The following ATXN7 variants were observed in gnomAD, a reference collection of about 807,000 sequenced individuals.
The protein encoded by ATXN7 is ataxin-7.
Under a neutral mutation model 70.5 loss-of-function variants are expected in ATXN7, and 12 were observed. The ratio of observed to expected loss-of-function variants is 0.17; its 90% CI spans 0.11 to 0.28. The LOEUF (loss-of-function observed/expected upper bound fraction) is 0.28, where lower values mean the gene tolerates loss of function less well. Among genes scored for constraint, ATXN7 ranks in the 10% least tolerant of loss-of-function variants. The probability of loss-of-function intolerance (pLI) is 1.00; values close to 1 mark genes in which losing one functional copy is unlikely to be tolerated. For synonymous variants in ATXN7, 498 were observed against 448.7 expected (o/e 1.11, Z -1.39); for missense variants, 1,256 against 1,131.7 (o/e 1.11, Z -1.58).
At chr3:63,991,673 G>T (rs1026520572) in intron 11 of ATXN7, among the ~76,000 whole-genome samples, 2 of 152,164 alleles carry the variant, frequency 1.3e-5, no homozygotes, top group Non-Finnish European at 2.9e-5. Context: ...AATTGTTTCA[G>T]TGTTGAAGGT....
chr3:63,865,723 C>G (rs1352083028), intron 1 of ATXN7, among the ~76,000 whole-genome samples: 2 of 144,462 alleles, frequency 1.4e-5, no homozygotes, highest in Non-Finnish European at 1.5e-5. Context: ...AACCCCGTCT[C>G]TACTAAAAAA....
rs919284972 is a variant in ATXN7 at position 63,988,384 on chromosome 3, A to G, written c.1361+60A>G. 1.9e-6 allele frequency: 3 copies of G among 1,595,100 alleles called. No homozygotes were observed. The African/African-American group carries it at 4.0e-5, about 22-fold the overall frequency. ...CAGAGATGAGACTTGCAGATACTGTAAAATTTCAGTATGGTCATGCTGTTG... is the reference window on the plus strand; with the variant it reads ...CAGAGATGAGACTTGCAGATACTGTGAAATTTCAGTATGGTCATGCTGTTG... On this transcript the variant is annotated intron_variant, in intron 9 of 12. Coordinates refer to ENST00000674280, the MANE Select transcript of ATXN7 (RefSeq NM_001377405.1).
intron 1 of ATXN7, among the ~76,000 whole-genome samples, chr3:63,876,203 A>G (rs1452609686): frequency 6.6e-6 from 1 of 152,186 alleles, no homozygotes; most frequent in African/African-American, 2.4e-5. Context: ...ATTGAAAAAT[A>G]AGTATTTTTC....
intron 4 of ATXN7, among the ~76,000 whole-genome samples, chr3:63,921,894 T>C (rs1379720247): frequency 6.6e-6 from 1 of 152,170 alleles, no homozygotes; most frequent in Admixed American, 6.5e-5. Flanking sequence ...TTTAATCAAG[T>C]CATCAGCCAG....
chr3:63,869,518 G>A (rs1017996831), intron 1 of ATXN7, among the ~76,000 whole-genome samples: 5 of 152,054 alleles, frequency 3.3e-5, no homozygotes, highest in African/African-American at 1.2e-4. Flanking sequence ...CTGCCTCCCA[G>A]GGTTCAAGCT....
chr3:63,988,165 A>C lies in ATXN7; in HGVS notation c.1202A>C (p.His401Pro), dbSNP rs369022821. The C allele has an allele frequency of 8.1e-6, 13 of 1,614,030 alleles. No individual in the cohort carries two copies. Among genetic ancestry groups the C allele is most frequent in the Non-Finnish European group, 1.1e-5 (13 of 1,179,972 alleles). ...NKTREKELIR[H>P]PDSQQPPQPL... ...ACCAGGGAAAAGGAATTGATTCGCCATCCGGACTCTCAGCAACCACCGCAG... is the reference window on the plus strand; with the variant it reads ...ACCAGGGAAAAGGAATTGATTCGCCCTCCGGACTCTCAGCAACCACCGCAG... Residue 401 changes from histidine to proline, a missense_variant, in exon 9 of 13, where the codon CAT becomes CCT. Coordinates refer to ENST00000674280, the MANE Select transcript of ATXN7 (RefSeq NM_001377405.1).
At chr3:63,919,946 T>C (rs935507163) in intron 4 of ATXN7, among the ~76,000 whole-genome samples, 2 of 151,930 alleles carry the variant, frequency 1.3e-5, no homozygotes, top group Admixed American at 1.3e-4. Flanking sequence ...TCCAGAACTT[T>C]CATGGAATTT....
At chr3:63,881,775 A>T (rs1702919225) in intron 1 of ATXN7, among the ~76,000 whole-genome samples, 1 of 152,178 alleles carries the variant, frequency 6.6e-6, no homozygotes, top group South Asian at 2.1e-4. Flanking sequence ...GGCGTGAGCC[A>T]CTGCACCCAG....
chr3:63,872,554 G>C (rs916862390), intron 1 of ATXN7, among the ~76,000 whole-genome samples: 1 of 152,164 alleles, frequency 6.6e-6, no homozygotes, highest in African/African-American at 2.4e-5. Context: ...TTAAGCTTAA[G>C]AGTCACACAG....
intron 12 of ATXN7, chr3:63,998,178 CACAA>C: frequency 1.1e-6 from 1 of 920,378 alleles, no homozygotes; most frequent in Non-Finnish European, 1.2e-6. Flanking sequence ...TCTTAATGCC[CACAA>C]GTAACAAAAA....
At chr3:63,912,112 G>A (rs1036387215) in intron 2 of ATXN7, 1 of 152,186 alleles carries the variant, frequency 6.6e-6, no homozygotes, top group Non-Finnish European at 1.5e-5. Flanking sequence ...GCCGCCGCTC[G>A]GACGGACGCG....
chr3:63,915,084 G>A (rs1047293712), intron 4 of ATXN7, among the ~76,000 whole-genome samples: 1 of 152,006 alleles, frequency 6.6e-6, no homozygotes, highest in South Asian at 2.1e-4. Context: ...TGCAGGCGGC[G>A]GGCCACCACA....
At chr3:63,896,491 C>T (rs1197562189) in intron 1 of ATXN7, among the ~76,000 whole-genome samples, 3 of 152,096 alleles carry the variant, frequency 2.0e-5, no homozygotes, top group Non-Finnish European at 4.4e-5. Context: ...ACCAAAGGCC[C>T]GGATTCTAGT....
intron 4 of ATXN7, among the ~76,000 whole-genome samples, chr3:63,946,642 CA>C (rs1201416885): frequency 0.11 from 8,302 of 75,394 alleles, 189 homozygotes; most frequent in Middle Eastern, 0.19. Context: ...GACTCTGTCT[CA>C]AAAAAAAAAA....
intron 1 of ATXN7, among the ~76,000 whole-genome samples, chr3:63,872,690 A>C (rs1702634138): frequency 6.6e-6 from 1 of 152,236 alleles, no homozygotes; most frequent in Non-Finnish European, 1.5e-5. Flanking sequence ...GATAGCCTAC[A>C]GGGAATTGTT....
intron 2 of ATXN7, among the ~76,000 whole-genome samples, chr3:63,910,992 A>G (rs1267655371): frequency 1.3e-5 from 2 of 152,042 alleles, no homozygotes; most frequent in Admixed American, 1.3e-4. Context: ...AGTTGGACCA[A>G]CAAAGAAGTT....
At chr3:63,946,484 A>G (rs2074865872) in intron 4 of ATXN7, among the ~76,000 whole-genome samples, 1 of 152,066 alleles carries the variant, frequency 6.6e-6, no homozygotes, top group South Asian at 2.1e-4. Context: ...CTAAAAATAC[A>G]AAAAGAAAAT....
chr3:63,995,852 G>C lies in ATXN7; in HGVS notation c.2030G>C (p.Ser677Thr). Residue 677 changes from serine to threonine, a missense_variant, in exon 12 of 13, where the codon AGC becomes ACC. Coordinates refer to ENST00000674280, the MANE Select transcript of ATXN7 (RefSeq NM_001377405.1). ...MSRKPQKLKS[S>T]KSLRPKESSG... ...AGGAAACCTCAGAAATTGAAATCCA[G>C]CAAATCTTTGAGGCCCAAGGAGTCT... 6.2e-7 allele frequency: 1 copy of C among 1,614,170 alleles called. No homozygotes were observed. Among genetic ancestry groups the C allele is most frequent in the Non-Finnish European group, 8.5e-7 (1 of 1,180,032 alleles).
chr3:63,965,243 G>C (rs2075200266), intron 5 of ATXN7, among the ~76,000 whole-genome samples: 1 of 152,162 alleles, frequency 6.6e-6, no homozygotes, highest in African/African-American at 2.4e-5. Flanking sequence ...GCTGGGCGTT[G>C]CATTACCTGC....
Sources: allele counts gnomAD v4.1 joint callset (sites outside exome capture counted in the v4.1 genomes callset), GRCh38; gene constraint gnomAD v4.1.1; transcripts MANE v1.5; gene names NCBI Gene and HGNC (gene_info 2026-07-23, HGNC 2026-07-21).